Variants in CHD7 observed in about 807,000 individuals in gnomAD.
CHD7 encodes the protein chromodomain helicase DNA binding protein 7, also known as ATP-dependent chromatin remodeler CHD7.
In CHD7, 24 loss-of-function variants were observed where a neutral mutation model predicts 307.3. The ratio of observed to expected loss-of-function variants is 0.08; its 90% CI spans 0.06 to 0.11. The LOEUF is 0.11. Ranked by LOEUF, CHD7 falls within the 10% of genes least tolerant of loss-of-function variation. CHD7 has a pLI of 1.00. For missense variants in CHD7, 3,106 were observed against 3,727.1 expected (o/e 0.83, Z 4.34); for synonymous variants, 1,363 against 1,349.9 (o/e 1.01, Z -0.21).
At chr8:60,728,237 G>A (rs563392269) in intron 1 of CHD7, among the ~76,000 whole-genome samples, 40 of 152,332 alleles carry the variant, frequency 2.6e-4, no homozygotes, top group Non-Finnish European at 4.9e-4. Context: ...ACACAAACAA[G>A]GAATTGTAAA....
At chr8:60,693,199 C>T (rs77059076) in intron 1 of CHD7, among the ~76,000 whole-genome samples, 6,880 of 152,252 alleles carry the variant, frequency 0.045, 545 homozygotes, top group African/African-American at 0.16. Context: ...ACCCCCTTGG[C>T]GGTCAGAGCG....
intron 6 of CHD7, among the ~76,000 whole-genome samples, chr8:60,805,252 G>A (rs917714108): frequency 6.6e-6 from 1 of 152,120 alleles, no homozygotes; most frequent in African/African-American, 2.4e-5. Context: ...TTGTTTTACT[G>A]TTCAGTAAAA....
Position 60,781,236 on chromosome 8 carries a change from G to A in CHD7, c.1902G>A (p.Leu634=), listed in dbSNP as rs1350925706. Residue 634 remains leucine (L), a synonymous_variant, in exon 3 of 38, where the codon CTG becomes CTA. Coordinates refer to ENST00000423902, the MANE Select transcript of CHD7 (RefSeq NM_017780.4). ...VDNQELNRNS[L]DGSQEEKKKK... ...ACCAAGAACTAAATAGGAACTCACT[G>A]GATGGGTCCCAAGAAGAAAAAAAGA... 1 of 1,585,328 alleles carries A rather than the reference G, an allele frequency of 6.3e-7. No individual in the cohort carries two copies. The highest frequency in any genetic ancestry group is 2.3e-5 in the East Asian group (1 of 43,802).
intron 2 of CHD7, among the ~76,000 whole-genome samples, chr8:60,759,388 T>TCTCC (rs1453579966): frequency 6.6e-6 from 1 of 151,762 alleles, no homozygotes; most frequent in Non-Finnish European, 1.5e-5. Flanking sequence ...TCCATCTCCC[T>TCTCC]CTCCCTCTCT....
At chr8:60,721,719 C>T (rs1433171760) in intron 1 of CHD7, among the ~76,000 whole-genome samples, 1 of 152,218 alleles carries the variant, frequency 6.6e-6, no homozygotes, top group Non-Finnish European at 1.5e-5. Flanking sequence ...GCTGCCAATG[C>T]TGGTCCATGT....
intron 1 of CHD7, among the ~76,000 whole-genome samples, chr8:60,687,189 A>G (rs1011880325): frequency 6.6e-6 from 1 of 152,246 alleles, no homozygotes; most frequent in African/African-American, 2.4e-5. Flanking sequence ...CATAATACTA[A>G]GCAGTCATAG....
intron 1 of CHD7, among the ~76,000 whole-genome samples, chr8:60,699,926 G>C (rs1024133326): frequency 6.6e-6 from 1 of 151,674 alleles, no homozygotes; most frequent in Non-Finnish European, 1.5e-5. Context: ...ACCCTCCCTG[G>C]TTCAAGCAAT....
chr8:60,745,662 C>T (rs1051479668), intron 2 of CHD7, among the ~76,000 whole-genome samples: 18 of 152,138 alleles, frequency 1.2e-4, no homozygotes, highest in Admixed American at 1.0e-3. Context: ...AACTTTGCAT[C>T]CTCTTCAGAT....
rs1404201767 is a variant in CHD7, at chr8:60,742,030, A to T, written c.598A>T (p.Met200Leu). 1 of 1,613,674 alleles carries T rather than the reference A, an allele frequency of 6.2e-7. No individual in the cohort carries two copies. Among genetic ancestry groups the T allele is most frequent in the Non-Finnish European group, 8.5e-7 (1 of 1,179,876 alleles). The change falls in exon 2 of 38, where the codon ATG becomes TTG. Residue 200 changes from methionine (M) to leucine (L), a missense_variant. Met to Leu is a conservative substitution (Grantham distance 15). This residue lies in a region of CHD7 where 998 missense variants were observed against 1,004.5 expected (regional missense o/e 0.99). Transcript: ENST00000423902. Reference protein sequence around the residue: ...GSYMARGDFSMQQHGQPQQRM... With the variant: ...GSYMARGDFSLQQHGQPQQRM... ...CTATATGGCACGTGGGGATTTTTCC[A>T]TGCAGCAGCATGGTCAGCCACAGCA...
At chr8:60,797,494 T>C (rs1217682318) in intron 4 of CHD7, among the ~76,000 whole-genome samples, 1 of 152,212 alleles carries the variant, frequency 6.6e-6, no homozygotes, top group Non-Finnish European at 1.5e-5. Context: ...GGAACCCTTC[T>C]TTAACATCAG....
At chr8:60,688,826 T>A (rs1019883841) in intron 1 of CHD7, among the ~76,000 whole-genome samples, 1 of 152,262 alleles carries the variant, frequency 6.6e-6, no homozygotes, top group African/African-American at 2.4e-5. Flanking sequence ...TACGGTTTTC[T>A]GATTTAGACC....
At chr8:60,697,148 C>A (rs959145447) in intron 1 of CHD7, among the ~76,000 whole-genome samples, 1 of 152,130 alleles carries the variant, frequency 6.6e-6, no homozygotes, top group African/African-American at 2.4e-5. Context: ...GGAAGAGAAG[C>A]CTCTTGAGAC....
Position 60,865,362 on chromosome 8 carries a change from A to G in CHD7, c.8423A>G (p.Asn2808Ser), listed in dbSNP as rs368224943. Residue 2808 changes from asparagine (N) to serine (S), a missense_variant, in exon 38 of 38, where the codon AAC becomes AGC. Asn to Ser is a conservative substitution (Grantham distance 46, BLOSUM62 1). Transcript: ENST00000423902. This position sits in a 1 kb window ranked among gnomAD's most constrained non-coding sequence, Gnocchi z 4.3. ...LMLPGMAGLP[N>S]VFGLGGLLNN... is the part of the protein sequence containing the mutation. ...CTGCCAGGAATGGCGGGCCTGCCCA[A>G]CGTGTTTGGCTTGGGCGGGCTGTTG... 2.7e-5 allele frequency: 43 copies of G among 1,611,854 alleles called. No homozygotes were observed. The African/African-American group carries it at 4.5e-4, about 17-fold the overall frequency.
intron 3 of CHD7, among the ~76,000 whole-genome samples, chr8:60,788,552 G>A (rs1367176881): frequency 6.6e-6 from 1 of 152,196 alleles, no homozygotes; most frequent in Non-Finnish European, 1.5e-5. Flanking sequence ...CCTGCTAACA[G>A]GTCTCCTCTT....
intron 35 of CHD7, chr8:60,861,780 C>T (rs542874325): frequency 6.4e-5 from 10 of 155,852 alleles, no homozygotes; most frequent in South Asian, 2.0e-4. Context: ...AGTACCCCCA[C>T]CCCCTACAAG....
At chr8:60,766,043 A>G (rs1298271697) in intron 2 of CHD7, among the ~76,000 whole-genome samples, 4 of 152,254 alleles carry the variant, frequency 2.6e-5, no homozygotes, top group African/African-American at 7.2e-5. Flanking sequence ...TCTAATCCAC[A>G]GAAAAGTTAA....
At chr8:60,782,332 T>G (rs1811290153) in intron 3 of CHD7, among the ~76,000 whole-genome samples, 1 of 152,230 alleles carries the variant, frequency 6.6e-6, no homozygotes, top group Non-Finnish European at 1.5e-5. Flanking sequence ...CAGTCAGTTC[T>G]GCATTTGCTG....
intron 15 of CHD7, among the ~76,000 whole-genome samples, chr8:60,834,016 C>T (rs952512350): frequency 1.3e-5 from 2 of 152,076 alleles, no homozygotes; most frequent in Non-Finnish European, 2.9e-5. Context: ...TAACAGAGAG[C>T]TGAATTAATT....
Position 60,852,020 on chromosome 8 carries a change from C to A in CHD7, c.5667C>A (p.Gly1889=). 6.2e-7 allele frequency: 1 copy of A among 1,607,848 alleles called. No individual in the cohort carries two copies. Among genetic ancestry groups the A allele is most frequent in the Middle Eastern group, 1.7e-4 (1 of 6,048 alleles). Residue 1889 remains glycine (G), a splice_region_variant and synonymous_variant, in exon 29 of 38, where the codon GGC becomes GGA. Coordinates refer to ENST00000423902, the MANE Select transcript of CHD7 (RefSeq NM_017780.4). ...AAAAATGTTTTTCCACTTCCCCAGG[C>A]AAGCACAGTGAGAGTAATGCTGAGT... ...KEESMEIHAT[G]KHSESNAELG...
Sources: allele counts gnomAD v4.1 joint callset (sites outside exome capture counted in the v4.1 genomes callset), GRCh38; gene constraint gnomAD v4.1.1; regional missense constraint gnomAD v4.1.1; non-coding constraint Gnocchi (gnomAD v3.1); transcripts MANE v1.5; gene names NCBI Gene and HGNC (gene_info 2026-07-23, HGNC 2026-07-21).